Variants in PNPLA7 observed in about 807,000 individuals in gnomAD.
The protein encoded by PNPLA7 is patatin-like phospholipase domain-containing protein 7.
PNPLA7 carries 153 observed loss-of-function variants against 161.7 expected under a neutral mutation model. The observed-to-expected ratio is 0.95, with a 90% confidence interval of 0.83 to 1.08. The LOEUF (loss-of-function observed/expected upper bound fraction) is 1.08. Among genes scored for constraint, PNPLA7 ranks in the 50% least tolerant of loss-of-function variants. The probability of loss-of-function intolerance (pLI) is 0.00; values close to 1 mark genes in which losing one functional copy is unlikely to be tolerated. For synonymous variants in PNPLA7, 809 were observed against 782.1 expected, an observed-to-expected ratio of 1.03 and a Z score of -0.57; for missense variants, 1,739 against 1,856.6, an observed-to-expected ratio of 0.94 and a Z score of 1.16.
At chr9:137,519,638 G>A (rs774705532) in intron 11 of PNPLA7, among the ~76,000 whole-genome samples, 1 of 151,872 alleles carries the variant, frequency 6.6e-6, no homozygotes, top group Non-Finnish European at 1.5e-5. Context: ...GACCTGGGGG[G>A]CCATCTGATG....
chr9:137,464,258 G>A (rs1314889188), intron 27 of PNPLA7, 63 bp from the exon 28 acceptor site: 1 of 1,607,652 alleles, frequency 6.2e-7, no homozygotes, highest in Non-Finnish European at 8.5e-7. Flanking sequence ...TGTCTGGGGA[G>A]GCTGACCCAG....
chr9:137,482,521 A>T (rs1564295380), intron 21 of PNPLA7, among the ~76,000 whole-genome samples: 1 of 152,216 alleles, frequency 6.6e-6, no homozygotes, highest in Non-Finnish European at 1.5e-5. Flanking sequence ...ACTTTCTCAG[A>T]ATGACAAAAT....
intron 8 of PNPLA7, among the ~76,000 whole-genome samples, chr9:137,538,586 G>A (rs1180087393): frequency 1.3e-5 from 2 of 152,160 alleles, no homozygotes; most frequent in Non-Finnish European, 2.9e-5. Flanking sequence ...AAGTTACCTT[G>A]ATACACAGCT....
At chr9:137,471,843 C>T (rs1193480514) in intron 25 of PNPLA7, among the ~76,000 whole-genome samples, 1 of 151,928 alleles carries the variant, frequency 6.6e-6, no homozygotes, top group African/African-American at 2.4e-5. Flanking sequence ...AGGAGGTTTT[C>T]TTTTTGGAGA....
chr9:137,538,420 A>G (rs1404506794), intron 8 of PNPLA7, among the ~76,000 whole-genome samples: 1 of 152,212 alleles, frequency 6.6e-6, no homozygotes, highest in East Asian at 1.9e-4. Flanking sequence ...CTTTCCGAGC[A>G]GAGGAACATA....
In PNPLA7 at chr9:137,490,846, A is replaced by G. The variant is rs966492151; in HGVS notation, c.2197+2167T>C. On this transcript the variant is annotated intron_variant, in intron 20 of 34. Transcript: ENST00000406427. This position sits in a 1 kb window ranked among gnomAD's most constrained non-coding sequence, Gnocchi z 4.1. ...TGTAGCCCTGTGTTTTTGGGGCTAC[A>G]GTTTGACAAAATTACAGAGGTAATA... is the stretch of plus-strand genomic sequence containing the variant. Among the ~76,000 whole-genome samples the G allele has an allele frequency of 2.6e-5, 4 of 152,234 alleles. No homozygotes were observed. Among genetic ancestry groups the G allele is most frequent in the African/African-American group, 9.6e-5 (4 of 41,452 alleles).
rs905335065 is a variant in PNPLA7 at position 137,499,719 on chromosome 9, G to A, written c.1757+972C>T. Among the ~76,000 whole-genome samples, 1 of 152,226 alleles carries A rather than the reference G, an allele frequency of 6.6e-6. No individual in the cohort carries two copies. The highest frequency in any genetic ancestry group is 1.5e-5 in the Non-Finnish European group (1 of 68,026). ...CCCACCCCTGCCCCTTGCCCGGCTC[G>A]GGGTCCCCAGGCTGAAGCAGCAACG... On this transcript the variant is annotated intron_variant, in intron 16 of 34. Transcript: ENST00000406427. This position sits in a 1 kb window ranked among gnomAD's most constrained non-coding sequence, Gnocchi z 5.5.
rs543555156 is a variant in PNPLA7 at position 137,486,817 on chromosome 9, G to C, written c.2198-2081C>G. ...GAGCCTTTTTTGCTCAAAGCCCCTG[G>C]TGCCCCTCCCCACTCAGAACAAGCC... On this transcript the variant is annotated intron_variant, in intron 20 of 34. Transcript: ENST00000406427. The surrounding 1 kb of genome is among the most constrained non-coding windows in gnomAD (Gnocchi z 6.0). 2.6e-5 allele frequency among the ~76,000 whole-genome samples: 4 copies of C among 152,022 alleles called. No homozygotes were observed. Among genetic ancestry groups the C allele is most frequent in the Non-Finnish European group, 5.9e-5 (4 of 67,986 alleles).
At chr9:137,506,276 T>A (rs1447971492) in intron 12 of PNPLA7, among the ~76,000 whole-genome samples, 193 bp from the exon 13 acceptor site, 1 of 152,194 alleles carries the variant, frequency 6.6e-6, no homozygotes, top group African/African-American at 2.4e-5. Context: ...ACCCACCAGC[T>A]ACAGGTTTTC....
Position 137,461,966 on chromosome 9 carries a change from C to A in PNPLA7, c.3721G>T (p.Asp1241Tyr). The A allele has an allele frequency of 6.3e-7, 1 of 1,596,182 alleles. No individual in the cohort carries two copies. The highest frequency in any genetic ancestry group is 8.5e-7 in the Non-Finnish European group (1 of 1,174,960). The stretch of plus-strand genomic sequence containing the variant: ...GGCTTCTTGCTCGGCCCCTGCTGGT[C>A]GCGGAGCATCTTCTCCAGCACGCCG... ...RSGVLEKMLR[D>Y]QQGPSKKPAS... Residue 1241 changes from aspartate to tyrosine, a missense_variant, in exon 32 of 35, where the codon GAC (aspartate) becomes TAC (tyrosine). Transcript: ENST00000406427.
rs1831962916 is a variant in PNPLA7 at position 137,476,900 on chromosome 9, AG to A, written c.2882+1133del. On this transcript the variant is annotated intron_variant, in intron 25 of 34. Transcript: ENST00000406427. The surrounding 1 kb of genome is among the most constrained non-coding windows in gnomAD (Gnocchi z 4.5). ...CAAGGTGGAAAGTCCCTTAGACAGA[AG>A]GATGCAGTGGGCACCTCATCACCTA... Among the ~76,000 whole-genome samples, 1 of 152,240 alleles carries A rather than the reference AG, an allele frequency of 6.6e-6. No individual in the cohort carries two copies. Among genetic ancestry groups the A allele is most frequent in the Admixed American group, 6.5e-5 (1 of 15,284 alleles).
rs1048006713 is a variant in PNPLA7, at chr9:137,549,516, G to GTTGAGAT, written c.30+645_30+651dup. ...ACCTGGGAGGCAGAGCTTGCAGTGA[G>GTTGAGAT]TTGAGATCGTGCCACTGCAATCCAG... On this transcript the variant is annotated intron_variant, in intron 1 of 34. Coordinates refer to ENST00000406427, the MANE Select transcript of PNPLA7 (RefSeq NM_001098537.3). Among the ~76,000 whole-genome samples the GTTGAGAT allele has an allele frequency of 4.1e-5, 6 of 145,066 alleles. No individual in the cohort carries two copies. In the Admixed American group the frequency reaches 4.3e-4, roughly 10 times the overall value.
At position 137,537,005 on chromosome 9, in the gene PNPLA7, A is replaced by T. The variant is rs2480113; in HGVS notation, c.747+3637T>A. ...CACCGAGCCACACTTCATCTCCCAC[A>T]ACAGGAAGCATGGGGGCCATCCACC... On this transcript the variant is annotated intron_variant, in intron 8 of 34. Transcript: ENST00000406427. This position sits in a 1 kb window ranked among gnomAD's most constrained non-coding sequence, Gnocchi z 4.5. Among the ~76,000 whole-genome samples the T allele has an allele frequency of 8.1e-6, 1 of 123,608 alleles. No individual in the cohort carries two copies. The highest frequency in any genetic ancestry group is 1.8e-5 in the Non-Finnish European group (1 of 55,166). The allele number at this position is 123,608 out of a possible 152,430, so 81.1% of individuals were successfully genotyped here. A position where few individuals can be genotyped will look rare whatever the true frequency, so the allele number is the denominator to read the frequency against.
intron 12 of PNPLA7, among the ~76,000 whole-genome samples, chr9:137,510,406 T>C (rs560208224): frequency 6.6e-6 from 1 of 152,274 alleles, no homozygotes; most frequent in African/African-American, 2.4e-5. Context: ...TTAGTGAAAA[T>C]ACTAATAGTC....
At chr9:137,510,150 G>C (rs1408502648) in intron 12 of PNPLA7, among the ~76,000 whole-genome samples, 1 of 152,148 alleles carries the variant, frequency 6.6e-6, no homozygotes, top group Non-Finnish European at 1.5e-5. Flanking sequence ...GGTAGCAAAA[G>C]GTGTCAAGGA....
intron 24 of PNPLA7, 120 bp downstream of exon 24, chr9:137,478,936 C>T (rs1376379115): frequency 1.5e-6 from 2 of 1,302,044 alleles, no homozygotes; most frequent in Non-Finnish European, 2.0e-6. Flanking sequence ...TTCACAAGCA[C>T]AGGAAGGGCC....
intron 14 of PNPLA7, among the ~76,000 whole-genome samples, chr9:137,503,440 G>C (rs1490337192): frequency 7.6e-6 from 1 of 131,220 alleles, no homozygotes. Flanking sequence ...AGAATGAGGA[G>C]GGGGAAGGAG....
intron 20 of PNPLA7, among the ~76,000 whole-genome samples, chr9:137,489,817 GA>G (rs1302096400): frequency 1.3e-5 from 2 of 151,798 alleles, no homozygotes; most frequent in Non-Finnish European, 2.9e-5. Flanking sequence ...ATCAGAGAGA[GA>G]AAAAAAAGGT....
chr9:137,461,618 G>A lies in PNPLA7; in HGVS notation c.3759C>T (p.Val1253=), dbSNP rs781028386. 1 of 1,611,054 alleles carries A rather than the reference G, an allele frequency of 6.2e-7. No homozygotes were observed. Among genetic ancestry groups the A allele is most frequent in the Admixed American group, 1.7e-5 (1 of 59,848 alleles). The change falls in exon 33 of 35, where the codon GTC becomes GTT. Residue 1253 remains valine, a splice_region_variant and synonymous_variant. Coordinates refer to ENST00000406427, the MANE Select transcript of PNPLA7 (RefSeq NM_001098537.3). ...TGAAGGAGGCGTTGGGACAGGTGAGGACCTAGGGGTGGGGTGAGGACAGCA... is the reference window on the plus strand; with the variant it reads ...TGAAGGAGGCGTTGGGACAGGTGAGAACCTAGGGGTGGGGTGAGGACAGCA... ...QGPSKKPASA[V]LTCPNASFTD...
Sources: allele counts gnomAD v4.1 joint callset (sites outside exome capture counted in the v4.1 genomes callset), GRCh38; gene constraint gnomAD v4.1.1; non-coding constraint Gnocchi (gnomAD v3.1); transcripts MANE v1.5; gene names NCBI Gene and HGNC (gene_info 2026-07-23, HGNC 2026-07-21).